Variants in DMD observed in about 807,000 individuals in gnomAD.
DMD encodes the protein mutant dystrophin.
A neutral mutation model predicts 330.1 loss-of-function variants in DMD; 63 were observed. The ratio of observed to expected loss-of-function variants is 0.19; its 90% CI spans 0.16 to 0.24. The LOEUF is 0.24. Ranked by LOEUF, DMD falls within the 10% of genes least tolerant of loss-of-function variation. The probability of loss-of-function intolerance (pLI) is 1.00; values close to 1 mark genes in which losing one functional copy is unlikely to be tolerated. For missense variants in DMD, 3,344 were observed against 2,684.1 expected, an observed-to-expected ratio of 1.25 and a Z score of -5.43; for synonymous variants, 1,223 against 959.8, an observed-to-expected ratio of 1.27 and a Z score of -5.07.
At chrX:32,539,454 CA>C (rs2048298324) in intron 17 of DMD, among the ~76,000 whole-genome samples, 1 of 109,910 alleles carries the variant, frequency 9.1e-6, no homozygotes, top group South Asian at 3.8e-4. Context: ...TGCCAATAGG[CA>C]AAAGTGTCAT....
chrX:32,865,042 CCTTT>C (rs2082371892), intron 2 of DMD, among the ~76,000 whole-genome samples: 1 of 111,082 alleles, frequency 9.0e-6, no homozygotes, highest in Non-Finnish European at 1.9e-5. Context: ...AGCAAATAGG[CCTTT>C]ATTTATTACA....
chrX:31,628,708 TCTGCAATATCTATTG>T (rs1279585597), intron 54 of DMD, among the ~76,000 whole-genome samples: 1 of 110,273 alleles, frequency 9.1e-6, no homozygotes, highest in East Asian at 2.9e-4. Flanking sequence ...CAGTTTCTCA[TCTGCAATATCTATTG>T]CTGTGATGAG....
chrX:33,003,530 T>G (rs1220962407), intron 2 of DMD, among the ~76,000 whole-genome samples: 2 of 112,097 alleles, frequency 1.8e-5, no homozygotes, highest in East Asian at 5.6e-4. Context: ...CAGTAAACTA[T>G]TCATATAATG....
At chrX:32,635,286 T>C in intron 11 of DMD, among the ~76,000 whole-genome samples, 1 of 111,579 alleles carries the variant, frequency 9.0e-6, no homozygotes. Context: ...CTTTCTGTGA[T>C]ACAACCCAAA....
Position 33,198,482 on chromosome X carries a change from T to C in DMD, c.31+12800A>G, listed in dbSNP as rs780300536. Among the ~76,000 whole-genome samples the C allele has an allele frequency of 8.0e-5, 9 of 111,860 alleles. No homozygotes were observed. In the South Asian group the frequency reaches 2.2e-3, roughly 28 times the overall value. On this transcript the variant is annotated intron_variant, in intron 1 of 78. Transcript: ENST00000357033. ...TGACAAAAAGCAAATCTTTATTATA[T>C]ATTTATATATGAAGCTTTAACCAAA...
chrX:32,289,040 G>A (rs992699217), intron 42 of DMD, among the ~76,000 whole-genome samples: 4 of 111,725 alleles, frequency 3.6e-5, no homozygotes, highest in Non-Finnish European at 5.6e-5. Context: ...CCCAGTTCAC[G>A]GAAAGCCTTC....
At chrX:32,284,329 T>C (rs1375689183) in intron 43 of DMD, among the ~76,000 whole-genome samples, 2 of 111,862 alleles carry the variant, frequency 1.8e-5, no homozygotes, top group African/African-American at 6.5e-5. Flanking sequence ...TCTTGCCCTC[T>C]TGTACAGCTC....
intron 1 of DMD, among the ~76,000 whole-genome samples, chrX:33,186,583 T>C (rs1034383558): frequency 1.8e-5 from 2 of 111,542 alleles, no homozygotes; most frequent in Admixed American, 9.6e-5. Flanking sequence ...AGTATTTATC[T>C]ACCCCAAAGA....
intron 15 of DMD, among the ~76,000 whole-genome samples, chrX:32,571,329 A>G (rs754874679): frequency 1.8e-5 from 2 of 112,067 alleles, no homozygotes; most frequent in Non-Finnish European, 3.8e-5. Context: ...TCCTCTAGAT[A>G]TGATAGAATC....
chrX:31,470,152 A>T (rs2067186977), intron 59 of DMD, among the ~76,000 whole-genome samples: 1 of 110,631 alleles, frequency 9.0e-6, no homozygotes, highest in South Asian at 3.8e-4. Context: ...GTTATTACCC[A>T]CCTTCTGAAG....
In DMD at chrX:32,293,260, T is replaced by C. The variant is rs374660836; in HGVS notation, c.6118-5559A>G. 5.3e-5 allele frequency among the ~76,000 whole-genome samples: 6 copies of C among 112,515 alleles called. No homozygotes were observed. The South Asian group carries it at 2.2e-3, about 41-fold the overall frequency. ...TTGATAGTCATTGGAATGTGTGTGATGTTGAATAAGACTAGGGATGGTCAG... is the reference window on the plus strand; with the variant it reads ...TTGATAGTCATTGGAATGTGTGTGACGTTGAATAAGACTAGGGATGGTCAG... On this transcript the variant is annotated intron_variant, in intron 42 of 78. Transcript: ENST00000357033.
Position 32,735,088 on chromosome X carries a change from T to C in DMD, c.650-35795A>G, listed in dbSNP as rs984326066. Among the ~76,000 whole-genome samples, 50 of 110,044 alleles carry C rather than the reference T, an allele frequency of 4.5e-4. 1 individual carries two copies. Among genetic ancestry groups the C allele is most frequent in the Non-Finnish European group, 7.2e-4 (38 of 53,014 alleles). ...AAAGTCTCAGGATACAAAATCAATG[T>C]ACAAAAATCACAAGCATTCTTATAC... On this transcript the variant is annotated intron_variant, in intron 7 of 78. Transcript: ENST00000357033.
chrX:31,953,749 T>G (rs1321588413), intron 45 of DMD, among the ~76,000 whole-genome samples: 1 of 111,844 alleles, frequency 8.9e-6, no homozygotes, highest in Non-Finnish European at 1.9e-5. Flanking sequence ...TCTATAAATA[T>G]GTACTATTAT....
At chrX:32,243,361 G>T (rs980682849) in intron 43 of DMD, among the ~76,000 whole-genome samples, 6 of 111,463 alleles carry the variant, frequency 5.4e-5, no homozygotes, top group African/African-American at 2.0e-4. Flanking sequence ...AAAACCTAAG[G>T]AACAAACTCT....
In DMD at chrX:32,954,666, T is replaced by A. The variant is rs762326214; in HGVS notation, c.93+65473A>T. Among the ~76,000 whole-genome samples, 3 of 110,065 alleles carry A rather than the reference T, an allele frequency of 2.7e-5. No homozygotes were observed. The South Asian group carries it at 1.2e-3, about 43-fold the overall frequency. On this transcript the variant is annotated intron_variant, in intron 2 of 78. Coordinates refer to ENST00000357033, the MANE Select transcript of DMD (RefSeq NM_004006.3). Reference sequence around the variant, plus strand: ...ATATAAGCCTACTAACCATCAGTTATTTTTTTTTAATCCTCTCCCTCCTCC... The same window carrying A: ...ATATAAGCCTACTAACCATCAGTTAATTTTTTTTAATCCTCTCCCTCCTCC...
chrX:31,497,404 T>A lies in DMD; in HGVS notation c.8391-460A>T, dbSNP rs146896367. On this transcript the variant is annotated intron_variant, in intron 56 of 78. Coordinates refer to ENST00000357033, the MANE Select transcript of DMD (RefSeq NM_004006.3). ...CCCTAGGCAGCCTTTTCCATTGAGT[T>A]CTTCCATCTGGCGTCTGTTCCTTTC... Among the ~76,000 whole-genome samples, 614 of 111,839 alleles carry A rather than the reference T, an allele frequency of 5.5e-3. 4 individuals are homozygous for A. The highest frequency in any genetic ancestry group is 0.019 in the African/African-American group (574 of 30,784).
chrX:33,328,176 G>T (rs754450272), intron 1 of DMD, among the ~76,000 whole-genome samples: 1 of 111,341 alleles, frequency 9.0e-6, no homozygotes, highest in East Asian at 2.8e-4. Flanking sequence ...ATGCCGAAAA[G>T]AACATATAGG....
chrX:31,251,134 T>C (rs1156852065), intron 63 of DMD, among the ~76,000 whole-genome samples: 3 of 108,407 alleles, frequency 2.8e-5, no homozygotes, highest in African/African-American at 1.0e-4. Flanking sequence ...CTTCACCAGT[T>C]TGAGAAGCAC....
At chrX:32,871,136 T>C (rs1285114371) in intron 2 of DMD, among the ~76,000 whole-genome samples, 2 of 48,712 alleles carry the variant, frequency 4.1e-5, no homozygotes, top group African/African-American at 1.5e-4. Context: ...CTGCAATCTT[T>C]TCCCGTGTTT....
Sources: allele counts gnomAD v4.1 joint callset (sites outside exome capture counted in the v4.1 genomes callset), GRCh38; gene constraint gnomAD v4.1.1; transcripts MANE v1.5; gene names NCBI Gene and HGNC (gene_info 2026-07-23, HGNC 2026-07-21).